CAT: variants seen among roughly 807,000 people sequenced by gnomAD.
The protein encoded by CAT is epididymis secretory sperm binding protein.
A neutral mutation model predicts 59.0 loss-of-function variants in CAT; 43 were observed. The observed-to-expected ratio is 0.73, with a 90% confidence interval of 0.57 to 0.94. CAT has a LOEUF of 0.94. Ranked by LOEUF, CAT falls within the 40% of genes least tolerant of loss-of-function variation. CAT has a pLI of 0.00. For synonymous variants in CAT, 218 were observed against 230.9 expected, an observed-to-expected ratio of 0.94 and a Z score of 0.51; for missense variants, 664 against 682.9, an observed-to-expected ratio of 0.97 and a Z score of 0.31.
intron 2 of CAT, 57 bp downstream of exon 2, chr11:34,449,420 G>A (rs559274572): frequency 6.8e-7 from 1 of 1,480,716 alleles, no homozygotes; most frequent in Non-Finnish European, 9.4e-7. Flanking sequence ...TGGGTCAAGT[G>A]TTATTTCCCA....
chr11:34,471,534 C>A lies in CAT; in HGVS notation c.*101C>A. The A allele has an allele frequency of 1.0e-6, 1 of 960,160 alleles. No homozygotes were observed. The allele number at this position is 960,160 out of a possible 1,614,324, so 59.5% of individuals were successfully genotyped here. ...CCTGTGCTAGATGTGCAAATGCAAG[C>A]TAGTGGCTTCAAAATAGAGAATCCC... On this transcript the variant is annotated 3_prime_UTR_variant, in exon 13 of 13. Transcript: ENST00000241052.
intron 9 of CAT, among the ~76,000 whole-genome samples, chr11:34,463,120 T>C (rs574415450): frequency 1.3e-5 from 2 of 152,276 alleles, no homozygotes; most frequent in Admixed American, 6.5e-5. Context: ...CAACCCCAGA[T>C]TGGTTTGCTC....
At chr11:34,451,958 T>G (rs1856527643) in intron 3 of CAT, 119 bp from the exon 4 acceptor site, 2 of 1,043,522 alleles carry the variant, frequency 1.9e-6, no homozygotes, top group Admixed American at 3.7e-5. Context: ...CTTAAATACC[T>G]AATTTAGTTC....
rs546729510 is a variant in CAT, at chr11:34,463,997, C to T, written c.1196-108C>T. The stretch of plus-strand genomic sequence containing the variant: ...TTGTGTTTATATCTGTGTATGTGTA[C>T]GTGTGTATTTGATTACCACTTGAAT... On this transcript the variant is annotated intron_variant, in intron 9 of 12. Transcript: ENST00000241052. The T allele has an allele frequency of 9.5e-5, 97 of 1,025,664 alleles. No individual in the cohort carries two copies. In the African/African-American group the frequency reaches 1.2e-3, roughly 12 times the overall value. 63.5% of individuals were successfully genotyped at this position (1,025,664 alleles called of 1,614,324 possible).
At chr11:34,470,409 G>C (rs1441136506) in intron 11 of CAT, among the ~76,000 whole-genome samples, 1 of 152,120 alleles carries the variant, frequency 6.6e-6, no homozygotes, top group East Asian at 1.9e-4. Flanking sequence ...TTTTCTGGAG[G>C]TTTTATGACA....
At chr11:34,464,383 C>A in intron 10 of CAT, 148 bp downstream of exon 10, 1 of 868,722 alleles carries the variant, frequency 1.2e-6, no homozygotes, top group Non-Finnish European at 1.9e-6. Flanking sequence ...GTAAATTGGG[C>A]CCCTTACTGG....
intron 2 of CAT, among the ~76,000 whole-genome samples, chr11:34,449,996 C>G (rs1856503778): frequency 6.6e-6 from 1 of 152,142 alleles, no homozygotes; most frequent in East Asian, 1.9e-4. Flanking sequence ...TCAGACATGC[C>G]AGTTCACCTA....
In CAT at chr11:34,468,942, C is replaced by A. The variant is rs555909488; in HGVS notation, c.1434+547C>A. On this transcript the variant is annotated intron_variant, in intron 11 of 12. Coordinates refer to ENST00000241052, the MANE Select transcript of CAT (RefSeq NM_001752.4). ...TTTTTGCATTTTTATGGTTTAAAAC[C>A]TGCCTAAAGGCTTAATGTCATAATA... 8.5e-5 allele frequency among the ~76,000 whole-genome samples: 13 copies of A among 152,336 alleles called. No homozygotes were observed. In the East Asian group the frequency reaches 2.3e-3, roughly 27 times the overall value.
In CAT at chr11:34,453,214, A is replaced by G. The variant is rs776860924; in HGVS notation, c.585+20A>G. On this transcript the variant is annotated intron_variant, in intron 5 of 12. Coordinates refer to ENST00000241052, the MANE Select transcript of CAT (RefSeq NM_001752.4). Reference sequence around the variant, plus strand: ...CATCAGGTATGAACCCTTTTTTGCCATTGTATTATATCACCTGGGATGCAG... The same window carrying G: ...CATCAGGTATGAACCCTTTTTTGCCGTTGTATTATATCACCTGGGATGCAG... 26 of 1,353,424 alleles carry G rather than the reference A, an allele frequency of 1.9e-5. No individual in the cohort carries two copies. The highest frequency in any genetic ancestry group is 1.8e-4 in the Middle Eastern group (1 of 5,566). 83.8% of individuals were successfully genotyped at this position (1,353,424 alleles called of 1,614,324 possible). A position where few individuals can be genotyped will look rare whatever the true frequency, so the allele number is the denominator to read the frequency against.
intron 1 of CAT, among the ~76,000 whole-genome samples, chr11:34,443,571 C>CTTT (rs34138762): frequency 2.7e-5 from 4 of 145,862 alleles, no homozygotes; most frequent in South Asian, 2.2e-4. Context: ...AACCCATTTC[C>CTTT]TTTTTTTTTT....
rs146231923 is a variant in CAT, at chr11:34,447,393, T to G, written c.67-1799T>G. Reference sequence around the variant, plus strand: ...AAATTGCTCTTTTTCTGGTTCATTTTCTACTTTAGAAAGTAGAAATTTTTT... The same window carrying G: ...AAATTGCTCTTTTTCTGGTTCATTTGCTACTTTAGAAAGTAGAAATTTTTT... On this transcript the variant is annotated intron_variant, in intron 1 of 12. Transcript: ENST00000241052. Among the ~76,000 whole-genome samples, 493 of 152,328 alleles carry G rather than the reference T, an allele frequency of 3.2e-3. 1 individual carries two copies. The highest frequency in any genetic ancestry group is 6.0e-3 in the South Asian group (29 of 4,826).
chr11:34,460,289 C>T (rs1856633776), intron 8 of CAT, among the ~76,000 whole-genome samples: 1 of 152,102 alleles, frequency 6.6e-6, no homozygotes, highest in Non-Finnish European at 1.5e-5. Flanking sequence ...CCTTGATTAA[C>T]ATGGAACATA....
At chr11:34,467,273 G>A (rs908994221) in intron 10 of CAT, among the ~76,000 whole-genome samples, 4 of 152,166 alleles carry the variant, frequency 2.6e-5, no homozygotes, top group Non-Finnish European at 4.4e-5. Flanking sequence ...TGACCCAGTC[G>A]ATGTTTTCAC....
chr11:34,458,663 C>T (rs1346452047), intron 8 of CAT, among the ~76,000 whole-genome samples: 3 of 152,268 alleles, frequency 2.0e-5, no homozygotes, highest in South Asian at 4.1e-4. Context: ...AGGGAGGGAA[C>T]GGATTGAGGA....
intron 8 of CAT, among the ~76,000 whole-genome samples, chr11:34,460,356 AT>A (rs1226170579): frequency 6.8e-6 from 1 of 147,496 alleles, no homozygotes; most frequent in Non-Finnish European, 1.5e-5. Context: ...TGAACCACAG[AT>A]TTTTTGTTAT....
Position 34,438,998 on chromosome 11 carries a change from C to G in CAT, c.-16C>G. On this transcript the variant is annotated 5_prime_UTR_variant, in exon 1 of 13. Coordinates refer to ENST00000241052, the MANE Select transcript of CAT (RefSeq NM_001752.4). ...CCGAGGCCTCCTGCAGTGTTCTGCA[C>G]AGCAAACCGCACGCTATGGCTGACA... 6.3e-7 allele frequency: 1 copy of G among 1,581,974 alleles called. No individual in the cohort carries two copies. Among genetic ancestry groups the G allele is most frequent in the South Asian group, 1.1e-5 (1 of 87,062 alleles).
chr11:34,461,109 C>A, intron 8 of CAT, 142 bp from the exon 9 acceptor site: 1 of 915,118 alleles, frequency 1.1e-6, no homozygotes, highest in Non-Finnish European at 1.8e-6. Context: ...AGGCTTCACT[C>A]TTAAGTAGCG....
chr11:34,458,816 GGGAAAA>G, intron 8 of CAT, among the ~76,000 whole-genome samples: 1 of 152,170 alleles, frequency 6.6e-6, no homozygotes, highest in Non-Finnish European at 1.5e-5. Context: ...CTAGGCCCCC[GGGAAAA>G]GGACTGCAAA....
chr11:34,445,294 A>G (rs1856436421), intron 1 of CAT, among the ~76,000 whole-genome samples: 1 of 151,924 alleles, frequency 6.6e-6, no homozygotes, highest in Non-Finnish European at 1.5e-5. Context: ...GTTTGAGATC[A>G]TCAGCCTGGC....
Sources: gnomAD v4.1 joint callset for allele counts (sites outside exome capture counted in the v4.1 genomes callset) on GRCh38, gnomAD v4.1.1 for gene constraint, MANE v1.5 for transcripts, NCBI Gene and HGNC (gene_info 2026-07-23, HGNC 2026-07-21) for gene names.